SPATA13: variants seen among roughly 807,000 people sequenced by gnomAD.
The protein encoded by SPATA13 is spermatogenesis associated 13, also known as spermatogenesis-associated protein 13.
A neutral mutation model predicts 104.0 loss-of-function variants in SPATA13; 50 were observed. The observed-to-expected ratio is 0.48, with a 90% CI of 0.38 to 0.61. The LOEUF (loss-of-function observed/expected upper bound fraction) is 0.61, where lower values mean the gene tolerates loss of function less well. SPATA13 is among the 20% of genes least tolerant of loss of function. The pLI, the probability that SPATA13 is intolerant of heterozygous loss-of-function variation, is 0.00. For missense variants in SPATA13, 1,524 were observed against 1,690.6 expected, an observed-to-expected ratio of 0.90 and a Z score of 1.73; for synonymous variants, 606 against 667.5, an observed-to-expected ratio of 0.91 and a Z score of 1.42.
intron 1 of SPATA13, among the ~76,000 whole-genome samples, chr13:24,210,766 G>GTTTTTTTTTTTTTTTTT (rs58789886): frequency 2.2e-5 from 3 of 137,444 alleles, no homozygotes; most frequent in Non-Finnish European, 3.1e-5. Flanking sequence ...GAATTTTAGG[G>GTTTTTTTTTTTTTTTTT]TTTTTTTTTT....
intron 3 of SPATA13, among the ~76,000 whole-genome samples, chr13:24,046,724 G>A (rs1194432863): frequency 2.6e-5 from 4 of 151,866 alleles, no homozygotes; most frequent in African/African-American, 9.7e-5. Context: ...AGGACTTTAT[G>A]AATAAAGCTT....
Position 24,223,348 on chromosome 13 carries a change from C to T in SPATA13, c.419C>T (p.Ser140Leu), listed in dbSNP as rs372376733. The T allele has an allele frequency of 5.9e-5, 92 of 1,551,228 alleles. 2 individuals are homozygous for T. The highest frequency in any genetic ancestry group is 3.9e-4 in the East Asian group (16 of 40,918). Reference protein sequence around the residue: ...GSNACSKGEASEHGLGKSIPN... With the variant: ...GSNACSKGEALEHGLGKSIPN... ...AATGCCTGTTCAAAGGGAGAGGCTT[C>T]GGAGCATGGCCTGGGAAAGTCCATC... Residue 140 changes from serine (S) to leucine (L), a missense_variant, in exon 2 of 13, where the codon TCG (serine) becomes TTG (leucine). Physicochemically the swap from Ser to Leu is moderately radical, Grantham distance 145 (BLOSUM62 -2). This residue lies in a region of SPATA13 where 1,089 missense variants were observed against 1,135.9 expected (regional missense o/e 0.96). Transcript: ENST00000382108.
At chr13:23,990,874 T>C (rs1566064185) in intron 2 of SPATA13, among the ~76,000 whole-genome samples, 2 of 152,198 alleles carry the variant, frequency 1.3e-5, no homozygotes, top group Non-Finnish European at 2.9e-5. Flanking sequence ...TGGCTTGTGA[T>C]AGTATCACAC....
intron 1 of SPATA13, among the ~76,000 whole-genome samples, chr13:24,210,780 TGTA>T (rs1870971183): frequency 7.0e-6 from 1 of 143,656 alleles, no homozygotes; most frequent in South Asian, 2.2e-4. Context: ...TTTTTTTTTT[TGTA>T]TTTCATTGGA....
At chr13:24,216,016 G>C (rs79342720) in intron 1 of SPATA13, among the ~76,000 whole-genome samples, 5,602 of 152,308 alleles carry the variant, frequency 0.037, 145 homozygotes, top group Middle Eastern at 0.11. Flanking sequence ...CATGGCTGTA[G>C]GAAGTCAAGA....
intron 3 of SPATA13, among the ~76,000 whole-genome samples, chr13:24,072,840 T>TTTTTTTTTTTTTTTTTTC (rs1275908669): frequency 6.6e-6 from 1 of 150,380 alleles, no homozygotes. Context: ...TTTTTTTTTT[T>TTTTTTTTTTTTTTTTTTC]TTTACATCCC....
At chr13:24,157,782 C>G (rs1882308941), upstream of SPATA13, among the ~76,000 whole-genome samples, 1 of 152,166 alleles carries the variant, frequency 6.6e-6, no homozygotes, top group Admixed American at 6.5e-5. Context: ...TCTCCCCAAC[C>G]CTGGGGGAGC....
chr13:24,090,782 G>A (rs1879884040), intron 3 of SPATA13, among the ~76,000 whole-genome samples: 1 of 152,178 alleles, frequency 6.6e-6, no homozygotes, highest in African/African-American at 2.4e-5. Flanking sequence ...CAACATCTGG[G>A]CCCCTTGGAC....
chr13:24,166,666 G>A (rs1472859043), intron 1 of SPATA13, among the ~76,000 whole-genome samples: 1 of 152,058 alleles, frequency 6.6e-6, no homozygotes, highest in Non-Finnish European at 1.5e-5. Context: ...TGTGAGTGGG[G>A]CCCAGCAATC....
At chr13:23,994,213 C>T (rs1875564810) in intron 2 of SPATA13, among the ~76,000 whole-genome samples, 1 of 152,118 alleles carries the variant, frequency 6.6e-6, no homozygotes, top group South Asian at 2.1e-4. Flanking sequence ...TTAGACTGCT[C>T]CATAAAAGTA....
At position 24,136,986 on chromosome 13, in the gene SPATA13, C is replaced by T. The variant is rs1182586222; in HGVS notation, c.-111-85833C>T. Among the ~76,000 whole-genome samples the T allele has an allele frequency of 7.8e-5, 8 of 102,122 alleles. 2 individuals carry two copies. Among genetic ancestry groups the T allele is most frequent in the Non-Finnish European group, 1.5e-4 (7 of 47,374 alleles). The allele number at this position is 102,122 out of a possible 152,430, so 67.0% of individuals were successfully genotyped here. On this transcript the variant is annotated intron_variant, in intron 3 of 14. Coordinates refer to the SPATA13 transcript ENST00000424834. Reference sequence around the variant, plus strand: ...CTGGGACTACAGGCGCCCGCCACTACGCCCGGCTAATTTTTTTGTATTTTT... The same window carrying T: ...CTGGGACTACAGGCGCCCGCCACTATGCCCGGCTAATTTTTTTGTATTTTT...
At chr13:24,015,254 A>C (rs532788392) in intron 2 of SPATA13, among the ~76,000 whole-genome samples, 2 of 152,332 alleles carry the variant, frequency 1.3e-5, no homozygotes, top group East Asian at 3.9e-4. Flanking sequence ...TAGATACAAA[A>C]AGTCTTATAA....
intron 3 of SPATA13, among the ~76,000 whole-genome samples, chr13:24,136,358 C>T (rs1881566312): frequency 6.6e-6 from 1 of 152,122 alleles, no homozygotes. Context: ...TGCCTGTAAT[C>T]CCAGCTACTC....
chr13:24,044,934 G>A (rs1431399558), intron 3 of SPATA13, among the ~76,000 whole-genome samples: 4 of 152,086 alleles, frequency 2.6e-5, no homozygotes. Flanking sequence ...TGGTCAGTGG[G>A]TACAAAGTTA....
Position 24,294,828 on chromosome 13 carries a change from A to G in SPATA13, c.3170A>G (p.Asp1057Gly). ...NERKRKLESI[D>G]KIARWQVSIV... ...CGCAAGCGCAAGCTGGAGAGCATCG[A>G]CAAGATAGCTCGCTGGCAGGTGTCT... Residue 1057 changes from aspartate (D) to glycine (G), a missense_variant, in exon 10 of 13, where the codon GAC (aspartate) becomes GGC (glycine). Asp to Gly is a moderately conservative substitution (Grantham distance 94). Around this residue, in one of 2 missense-constraint regions of SPATA13, gnomAD observed 435 missense variants for 554.8 expected, o/e 0.78. Transcript: ENST00000382108. 6.2e-7 allele frequency: 1 copy of G among 1,611,456 alleles called. No homozygotes were observed. The highest frequency in any genetic ancestry group is 1.3e-5 in the African/African-American group (1 of 75,052).
At chr13:24,042,146 G>C (rs1281936157) in intron 3 of SPATA13, among the ~76,000 whole-genome samples, 3 of 138,840 alleles carry the variant, frequency 2.2e-5, no homozygotes, top group Non-Finnish European at 4.7e-5. Flanking sequence ...TGTCACGGGA[G>C]CGTTGGCTAT....
intron 4 of SPATA13, among the ~76,000 whole-genome samples, chr13:24,265,167 G>A (rs193129812): frequency 7.9e-5 from 12 of 152,300 alleles, no homozygotes; most frequent in South Asian, 6.2e-4. Flanking sequence ...GATGGGGCCC[G>A]CCCCTCCTGT....
At chr13:24,095,569 A>G (rs6490870) in intron 3 of SPATA13, among the ~76,000 whole-genome samples, 81,198 of 152,058 alleles carry the variant, frequency 0.53, 22,689 homozygotes, top group African/African-American at 0.7. Context: ...TATGATGGTA[A>G]ATATGTATAT....
chr13:24,163,050 T>C lies in SPATA13; in HGVS notation c.-112+2118T>C, dbSNP rs141939260. Among the ~76,000 whole-genome samples the C allele has an allele frequency of 5.3e-5, 8 of 152,314 alleles. 2 individuals carry two copies. The highest frequency in any genetic ancestry group is 1.9e-4 in the African/African-American group (8 of 41,576). ...AGTGCCTGGGCTGTCACCTCATCCA[T>C]GCTATCAGTCTACTTTCCCTCTTAG... On this transcript the variant is annotated intron_variant, in intron 1 of 12. Coordinates refer to ENST00000382108, the MANE Select transcript of SPATA13 (RefSeq NM_001166271.3).
Sources: allele counts gnomAD v4.1 joint callset (sites outside exome capture counted in the v4.1 genomes callset), GRCh38; gene constraint gnomAD v4.1.1; regional missense constraint gnomAD v4.1.1; transcripts MANE v1.5; gene names NCBI Gene and HGNC (gene_info 2026-07-23, HGNC 2026-07-21).